ADCY2: variants seen among roughly 807,000 people sequenced by gnomAD.
The protein encoded by ADCY2 is adenylate cyclase 2, also known as adenylate cyclase type 2.
Under a neutral mutation model 125.2 loss-of-function variants are expected in ADCY2, and 31 were observed. That is an observed-to-expected ratio of 0.25 (90% CI 0.19 to 0.33). The LOEUF is 0.33. Ranked by LOEUF, ADCY2 falls within the 10% of genes least tolerant of loss-of-function variation. The pLI, the probability that ADCY2 is intolerant of heterozygous loss-of-function variation, is 1.00. For synonymous variants in ADCY2, 512 were observed against 548.4 expected (o/e 0.93, Z 0.93); for missense variants, 904 against 1,418.2 (o/e 0.64, Z 5.82).
Position 7,520,768 on chromosome 5 carries a change from G to T in ADCY2, c.439G>T (p.Val147Leu), listed in dbSNP as rs13166360. 0.22 allele frequency: 355,035 copies of T among 1,613,818 alleles called. 42,238 individuals are homozygous for T. Among genetic ancestry groups the T allele is most frequent in the Non-Finnish European group, 0.25 (293,312 of 1,179,902 alleles). Residue 147 changes from valine (V) to leucine (L), a missense_variant, in exon 3 of 25, where the codon GTG becomes TTG. Transcript: ENST00000338316. ...GTTCTTCCTCTTCATCATCTTCGTG[G>T]TGTACACCATGCTGCCCTTCAACAT... ...VSFFLFIIFVVYTMLPFNMRD... is the reference protein window; with the variant it reads ...VSFFLFIIFVLYTMLPFNMRD...
At chr5:7,747,706 C>A (rs2126441049) in intron 15 of ADCY2, among the ~76,000 whole-genome samples, 1 of 152,328 alleles carries the variant, frequency 6.6e-6, no homozygotes, top group South Asian at 2.1e-4. Flanking sequence ...AAGAGCCCGC[C>A]TTTGCACCAC....
chr5:7,518,928 C>T (rs1457397907), intron 2 of ADCY2, among the ~76,000 whole-genome samples: 1 of 152,156 alleles, frequency 6.6e-6, no homozygotes, highest in Admixed American at 6.5e-5. Flanking sequence ...CCTCCACCTC[C>T]AGAACCTGGC....
intron 18 of ADCY2, among the ~76,000 whole-genome samples, chr5:7,783,636 C>A (rs1379886822): frequency 6.6e-6 from 1 of 152,162 alleles, no homozygotes; most frequent in East Asian, 1.9e-4. Flanking sequence ...GGTGTCCATG[C>A]ACCATCCATT....
rs763572185 is a variant in ADCY2 at position 7,741,657 on chromosome 5, TATCATC to T, written c.1872-1997_1872-1992del. Among the ~76,000 whole-genome samples the T allele has an allele frequency of 4.7e-4, 7 of 15,014 alleles. No individual in the cohort carries two copies. In the South Asian group the frequency reaches 0.01, roughly 22 times the overall value. The allele number at this position is 15,014 out of a possible 152,430, so 9.8% of individuals were successfully genotyped here. ...TCATCATCACCATCACCATCCTCAT[TATCATC>T]ATCATCATCATCACCATCACCGTCA... On this transcript the variant is annotated intron_variant, in intron 14 of 24. Coordinates refer to ENST00000338316, the MANE Select transcript of ADCY2 (RefSeq NM_020546.3).
chr5:7,704,411 T>C (rs1414756035), intron 7 of ADCY2, among the ~76,000 whole-genome samples: 1 of 152,204 alleles, frequency 6.6e-6, no homozygotes, highest in African/African-American at 2.4e-5. Context: ...CATTTCTTTT[T>C]TCTGCCATGA....
At chr5:7,599,287 A>G (rs747917154) in intron 3 of ADCY2, among the ~76,000 whole-genome samples, 16 of 152,214 alleles carry the variant, frequency 1.1e-4, no homozygotes, top group Non-Finnish European at 2.1e-4. Flanking sequence ...GAAATAGAGT[A>G]GGAGAAGCAG....
chr5:7,626,225 A>G lies in ADCY2; in HGVS notation c.629A>G (p.His210Arg). ...CGNLAGAYHK[H>R]LMELALQQTY... ...AACCTGGCGGGAGCCTACCATAAGC[A>G]CCTCATGGAACTCGCTCTTCAGCAA... Residue 210 changes from histidine to arginine, a missense_variant, in exon 4 of 25, where the codon CAC becomes CGC. This residue lies in a region of ADCY2 where 117 missense variants were observed against 248.0 expected (regional missense o/e 0.47). Transcript: ENST00000338316. 1 of 1,614,052 alleles carries G rather than the reference A, an allele frequency of 6.2e-7. No individual in the cohort carries two copies. Among genetic ancestry groups the G allele is most frequent in the Non-Finnish European group, 8.5e-7 (1 of 1,179,948 alleles).
chr5:7,668,063 A>AT (rs1739817496), intron 4 of ADCY2, among the ~76,000 whole-genome samples: 1 of 152,174 alleles, frequency 6.6e-6, no homozygotes, highest in Admixed American at 6.5e-5. Flanking sequence ...GAGAGGAAAT[A>AT]TTTTTTCTAC....
chr5:7,563,385 G>A (rs1012192025), intron 3 of ADCY2, among the ~76,000 whole-genome samples: 3 of 152,138 alleles, frequency 2.0e-5, no homozygotes, highest in Non-Finnish European at 4.4e-5. Context: ...ACCCTGAGGC[G>A]CCCCTGAGTC....
chr5:7,516,602 G>A (rs1744261539), intron 2 of ADCY2, among the ~76,000 whole-genome samples: 1 of 152,098 alleles, frequency 6.6e-6, no homozygotes, highest in South Asian at 2.1e-4. Flanking sequence ...AGATTTTAAA[G>A]TTTCCACTCG....
chr5:7,784,983 G>A (rs940627801), intron 19 of ADCY2, among the ~76,000 whole-genome samples: 3 of 152,146 alleles, frequency 2.0e-5, no homozygotes, highest in African/African-American at 7.2e-5. Context: ...CTCCCACAGA[G>A]GCTGTGGGTG....
At chr5:7,465,999 T>C (rs1237960888) in intron 2 of ADCY2, among the ~76,000 whole-genome samples, 1 of 152,182 alleles carries the variant, frequency 6.6e-6, no homozygotes, top group Non-Finnish European at 1.5e-5. Flanking sequence ...TTTTCTACCT[T>C]CCAGATGACC....
At chr5:7,614,193 A>C (rs1435271341) in intron 3 of ADCY2, among the ~76,000 whole-genome samples, 1 of 152,162 alleles carries the variant, frequency 6.6e-6, no homozygotes, top group Non-Finnish European at 1.5e-5. Flanking sequence ...AGAAAACAAA[A>C]TTGTTTGAGT....
intron 3 of ADCY2, among the ~76,000 whole-genome samples, chr5:7,557,201 A>ATATATATATATATATAG: frequency 2.1e-5 from 3 of 140,060 alleles, no homozygotes; most frequent in Non-Finnish European, 4.7e-5. Context: ...TGATATATAT[A>ATATATATATATATATAG]ACTCAAGTGA....
intron 2 of ADCY2, among the ~76,000 whole-genome samples, chr5:7,469,304 T>C (rs1742245590): frequency 6.6e-6 from 1 of 151,164 alleles, no homozygotes; most frequent in Non-Finnish European, 1.5e-5. Context: ...TTCATTTTTA[T>C]ACATTTAAAA....
intron 1 of ADCY2, among the ~76,000 whole-genome samples, chr5:7,397,002 AC>A (rs573519694): frequency 7.2e-5 from 11 of 152,350 alleles, no homozygotes; most frequent in African/African-American, 2.6e-4. Flanking sequence ...GTGGTTAATG[AC>A]AAGGAAAATG....
intron 16 of ADCY2, 64 bp downstream of exon 16, chr5:7,757,650 G>A (rs1743053426): frequency 6.4e-7 from 1 of 1,554,056 alleles, no homozygotes; most frequent in African/African-American, 1.4e-5. Flanking sequence ...TGTTCAACAT[G>A]GTAAGCCCCA....
At chr5:7,564,330 A>G (rs901087100) in intron 3 of ADCY2, among the ~76,000 whole-genome samples, 22 of 152,326 alleles carry the variant, frequency 1.4e-4, no homozygotes, top group African/African-American at 5.3e-4. Flanking sequence ...TGAGGGATGT[A>G]TTATGATATG....
At chr5:7,507,338 G>A (rs1188458577) in intron 2 of ADCY2, among the ~76,000 whole-genome samples, 1 of 137,624 alleles carries the variant, frequency 7.3e-6, no homozygotes, top group East Asian at 2.0e-4. Context: ...CTACTTGGGA[G>A]GCTGAGGCAG....
Sources: gnomAD v4.1 joint callset for allele counts (sites outside exome capture counted in the v4.1 genomes callset) on GRCh38, gnomAD v4.1.1 for gene constraint, gnomAD v4.1.1 regional missense constraint, MANE v1.5 for transcripts, NCBI Gene and HGNC (gene_info 2026-07-23, HGNC 2026-07-21) for gene names.